OGFOD3: variants seen among roughly 807,000 people sequenced by gnomAD.
The protein encoded by OGFOD3 is 2-oxoglutarate and iron-dependent oxygenase domain-containing protein 3.
A neutral mutation model predicts 39.8 loss-of-function variants in OGFOD3; 35 were observed. The observed-to-expected ratio is 0.88, with a 90% CI of 0.67 to 1.17. The LOEUF (loss-of-function observed/expected upper bound fraction) is 1.17. Ranked by LOEUF, OGFOD3 falls within the 50% of genes most tolerant of loss-of-function variation. OGFOD3 has a pLI of 0.00. For synonymous variants in OGFOD3, 200 were observed against 192.0 expected (o/e 1.04, Z -0.34); for missense variants, 438 against 454.5 (o/e 0.96, Z 0.33).
Position 82,406,046 on chromosome 17 carries a change from T to C in OGFOD3, c.488+372A>G, listed in dbSNP as rs917991799. On this transcript the variant is annotated intron_variant, in intron 5 of 8. Coordinates refer to ENST00000313056, the MANE Select transcript of OGFOD3 (RefSeq NM_024648.3). The surrounding 1 kb of genome is among the most constrained non-coding windows in gnomAD (Gnocchi z 5.2). Reference sequence around the variant, plus strand: ...ACGGATCCACGCAGGGAGGGTCTCTTTGCTCTCCCGGCCCCTCATGGAGCG... The same window carrying C: ...ACGGATCCACGCAGGGAGGGTCTCTCTGCTCTCCCGGCCCCTCATGGAGCG... 6.6e-6 allele frequency among the ~76,000 whole-genome samples: 1 copy of C among 152,140 alleles called. No individual in the cohort carries two copies. Among genetic ancestry groups the C allele is most frequent in the African/African-American group, 2.4e-5 (1 of 41,416 alleles).
chr17:82,396,217 C>T (rs959254068), intron 8 of OGFOD3, among the ~76,000 whole-genome samples: 4 of 147,774 alleles, frequency 2.7e-5, no homozygotes, highest in Non-Finnish European at 6.0e-5. Context: ...GACATCAAAT[C>T]GCAGGTAAAC....
chr17:82,414,999 C>A (rs891336581), intron 2 of OGFOD3, among the ~76,000 whole-genome samples: 25 of 152,124 alleles, frequency 1.6e-4, no homozygotes, highest in African/African-American at 5.8e-4. Flanking sequence ...CAGGCCCAGG[C>A]AGAACGGGAG....
chr17:82,412,951 A>G (rs2052975478), intron 2 of OGFOD3, among the ~76,000 whole-genome samples: 2 of 152,212 alleles, frequency 1.3e-5, no homozygotes, highest in South Asian at 2.1e-4. Context: ...GAGTGCCAGC[A>G]TCAGGGGCTT....
chr17:82,405,627 C>G (rs944979791), intron 5 of OGFOD3, among the ~76,000 whole-genome samples: 5 of 152,084 alleles, frequency 3.3e-5, no homozygotes, highest in Admixed American at 3.3e-4. Flanking sequence ...CCATCCTGGC[C>G]AACATGGCAC....
intron 4 of OGFOD3, among the ~76,000 whole-genome samples, chr17:82,408,000 G>A (rs779582935): frequency 2.6e-5 from 4 of 152,128 alleles, no homozygotes; most frequent in East Asian, 1.9e-4. Flanking sequence ...AAAATTAGCC[G>A]GGCATCATGG....
intron 4 of OGFOD3, among the ~76,000 whole-genome samples, chr17:82,407,508 C>T (rs561529033): frequency 6.6e-6 from 1 of 152,362 alleles, no homozygotes; most frequent in Admixed American, 6.5e-5. Flanking sequence ...TGAGTCATCA[C>T]TTTGTAAGCC....
At chr17:82,417,057 G>A (rs1317059906) in intron 1 of OGFOD3, among the ~76,000 whole-genome samples, 2 of 152,094 alleles carry the variant, frequency 1.3e-5, no homozygotes, top group African/African-American at 4.8e-5. Context: ...CAAGTTTACT[G>A]GAAATTTTTA....
rs2052708509 is a variant in OGFOD3, at chr17:82,398,242, G to GAACC, written c.773_776dup (p.Phe259LeufsTer99). The GAACC allele has an allele frequency of 6.2e-7, 1 of 1,614,096 alleles. No homozygotes were observed. The highest frequency in any genetic ancestry group is 1.3e-5 in the African/African-American group (1 of 75,010). On this transcript the variant is annotated frameshift_variant, in exon 8 of 9. Transcript: ENST00000313056. LOFTEE classifies it high-confidence loss of function. ...TGTTGGCACCCTCCTCCATGAACAT[G>GAACC]AACCGCCCTCCGCCGAAGTCCTCCA... is the stretch of plus-strand genomic sequence containing the variant.
chr17:82,405,424 A>G (rs766525319), intron 5 of OGFOD3, 44 bp from the exon 6 acceptor site: 6 of 1,511,328 alleles, frequency 4.0e-6, no homozygotes, highest in Non-Finnish European at 2.8e-6. Flanking sequence ...CACTTCATTA[A>G]TCTGTTGTTC....
Position 82,391,773 on chromosome 17 carries a change from C to T in OGFOD3, c.*625G>A, listed in dbSNP as rs1306271613. ...TTGGGATGCTGGCCGCTGACAGGGCCAAGCCTGGTGTGGTGGGGCCGTGGC... is the reference window on the plus strand; with the variant it reads ...TTGGGATGCTGGCCGCTGACAGGGCTAAGCCTGGTGTGGTGGGGCCGTGGC... On this transcript the variant is annotated 3_prime_UTR_variant, in exon 9 of 9. Transcript: ENST00000313056. The surrounding 1 kb of genome is among the most constrained non-coding windows in gnomAD (Gnocchi z 5.1). 6.5e-6 allele frequency: 1 copy of T among 152,776 alleles called. No homozygotes were observed. Among genetic ancestry groups the T allele is most frequent in the African/African-American group, 2.4e-5 (1 of 41,464 alleles). The allele number at this position is 152,776 out of a possible 1,614,324, so 9.5% of individuals were successfully genotyped here.
intron 8 of OGFOD3, chr17:82,394,394 C>A: frequency 6.2e-7 from 1 of 1,605,876 alleles, no homozygotes; most frequent in South Asian, 1.1e-5. Context: ...ATGCTCTCAG[C>A]TTCCAGAATC....
chr17:82,392,175 G>C lies in OGFOD3; in HGVS notation c.*223C>G, dbSNP rs920958388. On this transcript the variant is annotated 3_prime_UTR_variant, in exon 9 of 9. Transcript: ENST00000313056. The surrounding 1 kb of genome is among the most constrained non-coding windows in gnomAD (Gnocchi z 4.2). ...GGTCCCTTTCCTGGCCTCCACCTCAGGCTCCCAGGCCTACAGCCCAAGCAC... is the reference window on the plus strand; with the variant it reads ...GGTCCCTTTCCTGGCCTCCACCTCACGCTCCCAGGCCTACAGCCCAAGCAC... 1.7e-6 allele frequency: 1 copy of C among 599,468 alleles called. No individual in the cohort carries two copies. Among genetic ancestry groups the C allele is most frequent in the Non-Finnish European group, 2.9e-6 (1 of 346,230 alleles). 37.1% of individuals were successfully genotyped at this position (599,468 alleles called of 1,614,324 possible).
intron 4 of OGFOD3, among the ~76,000 whole-genome samples, chr17:82,408,773 G>A (rs1202252584): frequency 3.9e-5 from 6 of 152,160 alleles, no homozygotes; most frequent in African/African-American, 2.4e-5. Context: ...CTGGGATGAT[G>A]TCATCTTGAG....
At chr17:82,413,572 A>G (rs7217458) in intron 2 of OGFOD3, among the ~76,000 whole-genome samples, 52,924 of 152,058 alleles carry the variant, frequency 0.35, 10,472 homozygotes, top group East Asian at 0.9. Flanking sequence ...AAAAAACAAT[A>G]ATAATAAAAA....
In OGFOD3 at chr17:82,405,486, T is replaced by C. The variant is rs9895561; in HGVS notation, c.489-106A>G. The C allele has an allele frequency of 4.7e-3, 4,375 of 936,488 alleles. 30 individuals carry two copies. The highest frequency in any genetic ancestry group is 0.02 in the African/African-American group (1,235 of 62,092). The allele number at this position is 936,488 out of a possible 1,614,324, so 58.0% of individuals were successfully genotyped here. ...AAGTCCCTGAAAATCAACTCACACA[T>C]TCAGAGCAACTCCATTTCCACAATG... On this transcript the variant is annotated intron_variant, in intron 5 of 8. Transcript: ENST00000313056.
rs2053025905 is a variant in OGFOD3, at chr17:82,415,918, C to A, written c.75-291G>T. On this transcript the variant is annotated intron_variant, in intron 1 of 8. Transcript: ENST00000313056. The surrounding 1 kb of genome is among the most constrained non-coding windows in gnomAD (Gnocchi z 5.3). ...AGCAAAAGAAAAAAAAAAAAAAAGC[C>A]AGACATGCTCCTTATAAAAGCCACT... Among the ~76,000 whole-genome samples, 1 of 151,576 alleles carries A rather than the reference C, an allele frequency of 6.6e-6. No homozygotes were observed. Among genetic ancestry groups the A allele is most frequent in the Non-Finnish European group, 1.5e-5 (1 of 67,924 alleles).
Position 82,415,296 on chromosome 17 carries a change from C to A in OGFOD3, c.304+102G>T. 2 of 1,183,170 alleles carry A rather than the reference C, an allele frequency of 1.7e-6. No homozygotes were observed. The highest frequency in any genetic ancestry group is 2.5e-6 in the Non-Finnish European group (2 of 813,534). The allele number at this position is 1,183,170 out of a possible 1,614,324, so 73.3% of individuals were successfully genotyped here. On this transcript the variant is annotated intron_variant, in intron 2 of 8. Coordinates refer to ENST00000313056, the MANE Select transcript of OGFOD3 (RefSeq NM_024648.3). This position sits in a 1 kb window ranked among gnomAD's most constrained non-coding sequence, Gnocchi z 5.3. ...CAGGAGGGGAGAGGTTGTCTGCTACCCCCAAGCATACCACATCCAACCCAA... is the reference window on the plus strand; with the variant it reads ...CAGGAGGGGAGAGGTTGTCTGCTACACCCAAGCATACCACATCCAACCCAA...
intron 2 of OGFOD3, among the ~76,000 whole-genome samples, chr17:82,413,866 T>A: frequency 7.5e-6 from 1 of 132,542 alleles, no homozygotes; most frequent in Non-Finnish European, 1.6e-5. Flanking sequence ...ACACAGTGAG[T>A]GACACTCTGT....
In OGFOD3 at chr17:82,415,388, C is replaced by A; in HGVS notation, c.304+10G>T. On this transcript the variant is annotated intron_variant, in intron 2 of 8. Coordinates refer to ENST00000313056, the MANE Select transcript of OGFOD3 (RefSeq NM_024648.3). The surrounding 1 kb of genome is among the most constrained non-coding windows in gnomAD (Gnocchi z 5.3). Reference sequence around the variant, plus strand: ...GAGTCTCATTTTAAAGTGTTGCTTTCCTGAACTACCTTCGAACCTGCGGTG... The same window carrying A: ...GAGTCTCATTTTAAAGTGTTGCTTTACTGAACTACCTTCGAACCTGCGGTG... 1.9e-6 allele frequency: 3 copies of A among 1,609,194 alleles called. No homozygotes were observed. The highest frequency in any genetic ancestry group is 2.6e-6 in the Non-Finnish European group (3 of 1,176,162).
Sources: gnomAD v4.1 joint callset for allele counts (sites outside exome capture counted in the v4.1 genomes callset) on GRCh38, gnomAD v4.1.1 for gene constraint, Gnocchi (gnomAD v3.1) non-coding constraint, MANE v1.5 for transcripts, NCBI Gene and HGNC (gene_info 2026-07-23, HGNC 2026-07-21) for gene names.